The following PAGE4 variants were observed in gnomAD, a reference collection of about 807,000 sequenced individuals.
PAGE4 encodes PAGE family member 4.
In PAGE4, 1 loss-of-function variant was observed where a neutral mutation model predicts 8.5. The observed-to-expected ratio is 0.12, with a 90% CI of 0.04 to 0.56. The LOEUF is 0.56. Among genes scored for constraint, PAGE4 ranks in the 20% least tolerant of loss-of-function variants. The pLI, the probability that PAGE4 is intolerant of heterozygous loss-of-function variation, is 0.91. For synonymous variants in PAGE4, 26 were observed against 26.3 expected (o/e 0.99, Z 0.04); for missense variants, 93 against 82.7 (o/e 1.13, Z -0.49).
rs782098815 is a variant in PAGE4 at position 49,833,252 on chromosome X, G to A, written c.293-594G>A. Among the ~76,000 whole-genome samples, 53 of 111,656 alleles carry A rather than the reference G, an allele frequency of 4.7e-4. 1 individual carries two copies. Among genetic ancestry groups the A allele is most frequent in the Admixed American group, 9.5e-5 (1 of 10,523 alleles). On this transcript the variant is annotated intron_variant, in intron 4 of 4. Transcript: ENST00000218068. ...GACACTTTTGAGAGGGAAAGGGAAT[G>A]CTATGAATACAACATCAGGTTAACA... is the stretch of plus-strand genomic sequence containing the variant.
At chrX:49,833,466 C>T in intron 4 of PAGE4, among the ~76,000 whole-genome samples, 1 of 112,294 alleles carries the variant, frequency 8.9e-6, no homozygotes, top group South Asian at 3.7e-4. Flanking sequence ...TTAGTCAATA[C>T]ATTTGAGTGA....
Position 49,832,605 on chromosome X carries a change from G to C in PAGE4, c.247G>C (p.Glu83Gln). Residue 83 changes from glutamate (E) to glutamine (Q), a missense_variant, in exon 4 of 5, where the codon GAG (glutamate) becomes CAG (glutamine). By Grantham distance (29) the Glu-to-Gln change is conservative. Transcript: ENST00000218068. ...SERGDGSDVKEKTPPNPKHAK... is the reference protein window; with the variant it reads ...SERGDGSDVKQKTPPNPKHAK... ...GCGTGGAGATGGCTCTGATGTAAAA[G>C]AGAAGACTCCACCTAATCCTAAGCA... is the stretch of plus-strand genomic sequence containing the variant. The C allele has an allele frequency of 1.7e-6, 2 of 1,202,227 alleles. No individual in the cohort carries two copies. Among genetic ancestry groups the C allele is most frequent in the Non-Finnish European group, 2.3e-6 (2 of 888,853 alleles).
Position 49,834,022 on chromosome X carries a change from A to G in PAGE4, c.*160A>G, listed in dbSNP as rs1557156911. On this transcript the variant is annotated 3_prime_UTR_variant, in exon 5 of 5. Transcript: ENST00000218068. ...TCCTAGGAAATTGACACTATTGTAA[A>G]TGGTATCTTTAAAAAATCCTTGTGT... 1.4e-5 allele frequency: 6 copies of G among 436,213 alleles called. No homozygotes were observed. Among genetic ancestry groups the G allele is most frequent in the Non-Finnish European group, 2.4e-5 (6 of 246,809 alleles). The allele number at this position is 436,213 out of a possible 1,213,427, so 35.9% of individuals were successfully genotyped here.
chrX:49,830,956 C>A, intron 2 of PAGE4, 41 bp from the exon 3 acceptor site: 1 of 879,546 alleles, frequency 1.1e-6, no homozygotes, highest in Non-Finnish European at 1.6e-6. Flanking sequence ...ATATTAATAA[C>A]AATATTCTAT....
At chrX:49,832,918 T>A (rs1363131380) in intron 4 of PAGE4, among the ~76,000 whole-genome samples, 1 of 111,886 alleles carries the variant, frequency 8.9e-6, no homozygotes, top group Admixed American at 9.5e-5. Context: ...TTACTTAACA[T>A]ACCCCAGGGG....
Position 49,833,913 on chromosome X carries a change from A to C in PAGE4, c.*51A>C. The C allele has an allele frequency of 2.0e-6, 2 of 1,004,030 alleles. No individual in the cohort carries two copies. Among genetic ancestry groups the C allele is most frequent in the Non-Finnish European group, 2.8e-6 (2 of 721,177 alleles). The allele number at this position is 1,004,030 out of a possible 1,213,427, so 82.7% of individuals were successfully genotyped here. A position where few individuals can be genotyped will look rare whatever the true frequency, so the allele number is the denominator to read the frequency against. Reference sequence around the variant, plus strand: ...ACACACATGGCTGATGTCACATTGAAAATGTGACTGAAAATTTGAAAATTC... The same window carrying C: ...ACACACATGGCTGATGTCACATTGACAATGTGACTGAAAATTTGAAAATTC... On this transcript the variant is annotated 3_prime_UTR_variant, in exon 5 of 5. Transcript: ENST00000218068.
chrX:49,829,987 T>G, intron 1 of PAGE4: 1 of 114,071 alleles, frequency 8.8e-6, no homozygotes, highest in Admixed American at 9.1e-5. Flanking sequence ...GGGAGAGGGA[T>G]CAGATGGAGC....
At chrX:49,831,203 G>C (rs1602882699) in intron 3 of PAGE4, 119 bp downstream of exon 3, 3 of 493,363 alleles carry the variant, frequency 6.1e-6, no homozygotes, top group African/African-American at 2.5e-5. Flanking sequence ...CTTGGTAAGG[G>C]AATAGTGTAG....
chrX:49,834,002 G>T lies in PAGE4; in HGVS notation c.*140G>T. 1 of 458,804 alleles carries T rather than the reference G, an allele frequency of 2.2e-6. No homozygotes were observed. The highest frequency in any genetic ancestry group is 3.9e-6 in the Non-Finnish European group (1 of 258,846). 37.8% of individuals were successfully genotyped at this position (458,804 alleles called of 1,213,427 possible). On this transcript the variant is annotated 3_prime_UTR_variant, in exon 5 of 5. Transcript: ENST00000218068. ...GTGTCTTTTGTAAAATTTATTCCTA[G>T]GAAATTGACACTATTGTAAATGGTA...
Position 49,833,890 on chromosome X carries a change from A to AT in PAGE4, c.*28_*29insT. On this transcript the variant is annotated 3_prime_UTR_variant, in exon 5 of 5. Coordinates refer to ENST00000218068, the MANE Select transcript of PAGE4 (RefSeq NM_007003.4). Reference sequence around the variant, plus strand: ...TAAAAAGAAGACAAGCTGAAGCTACACACATGGCTGATGTCACATTGAAAA... The same window carrying AT: ...TAAAAAGAAGACAAGCTGAAGCTACATCACATGGCTGATGTCACATTGAAAA... 1 of 1,123,525 alleles carries AT rather than the reference A, an allele frequency of 8.9e-7. No individual in the cohort carries two copies. Among genetic ancestry groups the AT allele is most frequent in the Non-Finnish European group, 1.2e-6 (1 of 821,612 alleles). 92.6% of individuals were successfully genotyped at this position (1,123,525 alleles called of 1,213,427 possible).
Position 49,831,011 on chromosome X carries a change from GC to G in PAGE4, c.94del (p.Gln32LysfsTer28). 8.4e-7 allele frequency: 1 copy of G among 1,190,664 alleles called. No homozygotes were observed. On this transcript the variant is annotated frameshift_variant, in exon 3 of 5. Transcript: ENST00000218068. LOFTEE classifies it high-confidence loss of function. The stretch of plus-strand genomic sequence containing the variant: ...CCTCTCAAAAGCCCGGTGAATCTCA[GC>G]AAGAGGAACCACCAACTGACAATCA... ...VAFVAPGESQ[Q>X]EEPPTDNQDI...
At chrX:49,831,160 C>A in intron 3 of PAGE4, 76 bp downstream of exon 3, 1 of 700,391 alleles carries the variant, frequency 1.4e-6, no homozygotes, top group Non-Finnish European at 2.1e-6. Flanking sequence ...TAAACCATCC[C>A]CTAAAAATTG....
At chrX:49,830,675 T>C (rs886234124) in intron 2 of PAGE4, 169 bp downstream of exon 2, 8 of 441,432 alleles carry the variant, frequency 1.8e-5, no homozygotes, top group African/African-American at 9.9e-5. Context: ...ACTTATTTTC[T>C]GATATTGTCT....
chrX:49,831,140 C>G (rs1433184180), intron 3 of PAGE4, 56 bp downstream of exon 3: 2 of 795,711 alleles, frequency 2.5e-6, no homozygotes, highest in African/African-American at 2.1e-5. Context: ...ATACTAGTAA[C>G]AGGAATAAAT....
chrX:49,832,157 T>TG (rs782486693), intron 3 of PAGE4, among the ~76,000 whole-genome samples: 32 of 111,992 alleles, frequency 2.9e-4, no homozygotes, highest in South Asian at 1.1e-3. Context: ...ATTCATTTAC[T>TG]GGGGCTTGCT....
At chrX:49,833,812 A>C in intron 4 of PAGE4, 34 bp from the exon 5 acceptor site, 1 of 1,122,589 alleles carries the variant, frequency 8.9e-7, no homozygotes, top group African/African-American at 1.8e-5. Flanking sequence ...AGTTCTGCTA[A>C]GTAATGAACT....
intron 4 of PAGE4, among the ~76,000 whole-genome samples, chrX:49,833,412 C>T (rs1329134486): frequency 1.8e-5 from 2 of 112,240 alleles, no homozygotes; most frequent in Non-Finnish European, 3.8e-5. Context: ...TCTCTTTAGT[C>T]AGCTAAACAA....
rs147290739 is a variant in PAGE4, at chrX:49,830,428, G to A, written c.-1G>A. 1.3e-3 allele frequency: 1,581 copies of A among 1,187,199 alleles called. 18 individuals carry two copies. In the African/African-American group the frequency reaches 0.025, roughly 19 times the overall value. ...CAGTTCACGATCTTCTAGTTGCAGC[G>A]ATGAGTGCACGAGTGAGATCAAGAT... On this transcript the variant is annotated 5_prime_UTR_variant, in exon 2 of 5. Coordinates refer to ENST00000218068, the MANE Select transcript of PAGE4 (RefSeq NM_007003.4).
chrX:49,831,469 A>C (rs1251131217), intron 3 of PAGE4: 1 of 136,809 alleles, frequency 7.3e-6, no homozygotes, highest in Admixed American at 8.9e-5. Flanking sequence ...TTATGGTTAG[A>C]TCTTACATAG....
Sources: allele counts gnomAD v4.1 joint callset (sites outside exome capture counted in the v4.1 genomes callset), GRCh38; gene constraint gnomAD v4.1.1; transcripts MANE v1.5; gene names NCBI Gene and HGNC (gene_info 2026-07-23, HGNC 2026-07-21).